DCT: variants seen among roughly 807,000 people sequenced by gnomAD.
The protein encoded by DCT is L-dopachrome tautomerase.
A neutral mutation model predicts 53.0 loss-of-function variants in DCT; 47 were observed. The ratio of observed to expected loss-of-function variants is 0.89; its 90% CI spans 0.70 to 1.13. The LOEUF (loss-of-function observed/expected upper bound fraction) is 1.13. DCT is among the 50% of genes most tolerant of loss of function. The pLI, the probability that DCT is intolerant of heterozygous loss-of-function variation, is 0.00. For synonymous variants in DCT, 244 were observed against 237.0 expected (o/e 1.03, Z -0.27); for missense variants, 669 against 637.4 (o/e 1.05, Z -0.53).
chr13:94,481,054 T>G (rs1885420798), upstream of DCT, among the ~76,000 whole-genome samples: 1 of 152,248 alleles, frequency 6.6e-6, no homozygotes, highest in Non-Finnish European at 1.5e-5. Context: ...TTCAAGCTTC[T>G]GGCAGCTGCT....
chr13:94,519,327 G>T, the DCT span, among the ~76,000 whole-genome samples: 1 of 152,116 alleles, frequency 6.6e-6, no homozygotes, highest in Non-Finnish European at 1.5e-5. Flanking sequence ...AACAGTGCTT[G>T]GGCCCTAGTA....
Position 94,439,979 on chromosome 13 carries a change from A to C in DCT, c.1479T>G (p.Leu493=). 1 of 1,614,000 alleles carries C rather than the reference A, an allele frequency of 6.2e-7. No individual in the cohort carries two copies. Residue 493 remains leucine, a synonymous_variant, in exon 8 of 8, where the codon CTT becomes CTG. Transcript: ENST00000377028. ...LVGLFVLLAF[L]QYRRLRKGYT... ...ATCCTTTTCGAAGTCTTCTATATTG[A>C]AGAAAAGCCAACAGCACAAAAAGAC...
chr13:94,477,673 C>T (rs1390137432), intron 1 of DCT, among the ~76,000 whole-genome samples: 1 of 138,864 alleles, frequency 7.2e-6, no homozygotes, highest in Non-Finnish European at 1.6e-5. Flanking sequence ...AAAAAAAAAT[C>T]GAATGTCATT....
chr13:94,538,973 C>A, the DCT span, among the ~76,000 whole-genome samples: 1 of 152,150 alleles, frequency 6.6e-6, no homozygotes, highest in Non-Finnish European at 1.5e-5. Flanking sequence ...CAGCCCACAC[C>A]CCTCCAGCTA....
chr13:94,442,713 G>A (rs1056991674), intron 7 of DCT, among the ~76,000 whole-genome samples: 4 of 152,136 alleles, frequency 2.6e-5, no homozygotes, highest in East Asian at 1.9e-4. Flanking sequence ...AGAGTCCCAC[G>A]TAGCCCAATC....
chr13:94,444,422 C>G lies in DCT; in HGVS notation c.1180-785G>C, dbSNP rs74963849. Reference sequence around the variant, plus strand: ...TCTCACTTGAATTCTTGCTGTTATGCCAGCAAAAGAAAGTCTAAAAAGGTA... The same window carrying G: ...TCTCACTTGAATTCTTGCTGTTATGGCAGCAAAAGAAAGTCTAAAAAGGTA... On this transcript the variant is annotated intron_variant, in intron 6 of 7. Transcript: ENST00000377028. The G allele has an allele frequency of 6.1e-4, 315 of 516,440 alleles. 3 individuals are homozygous for G. The East Asian group carries it at 0.015, about 25-fold the overall frequency. The allele number at this position is 516,440 out of a possible 1,614,324, so 32.0% of individuals were successfully genotyped here.
rs772228009 is a variant in DCT, at chr13:94,460,129, C to G, written c.1141G>C (p.Ala381Pro). ...LVHSFLNGTN[A>P]LPHSAANDPI... ...TCATTGGCGGCTGAATGTGGCAAAG[C>G]GTTTGTCCCGTTCAGGAAGGAATGA... The change falls in exon 6 of 8, where the codon GCT (alanine) becomes CCT (proline). Residue 381 changes from alanine (A) to proline (P), a missense_variant. Transcript: ENST00000377028. 6.8e-6 allele frequency: 11 copies of G among 1,613,952 alleles called. No individual in the cohort carries two copies. The highest frequency in any genetic ancestry group is 9.3e-6 in the Non-Finnish European group (11 of 1,180,006).
intron 1 of DCT, among the ~76,000 whole-genome samples, chr13:94,476,180 CTTTTTTTTTTTTTTT>C (rs529819051): frequency 2.7e-5 from 2 of 72,732 alleles, no homozygotes; most frequent in African/African-American, 1.1e-4. Context: ...GGGGGAGCCT[CTTTTTTTTTTTTTTT>C]TTTTTTTTTT....
the DCT span, among the ~76,000 whole-genome samples, chr13:94,545,695 T>G: frequency 6.6e-6 from 1 of 152,106 alleles, no homozygotes; most frequent in Non-Finnish European, 1.5e-5. Context: ...GGTGGCTGAC[T>G]CCCTCGCTAT....
chr13:94,466,741 G>T, intron 2 of DCT, 83 bp from the exon 3 acceptor site: 1 of 814,212 alleles, frequency 1.2e-6, no homozygotes, highest in Non-Finnish European at 1.9e-6. Flanking sequence ...TATCTATAGA[G>T]CCAATAAGTC....
intron 6 of DCT, among the ~76,000 whole-genome samples, chr13:94,458,671 G>A (rs551486907): frequency 5.3e-4 from 81 of 151,918 alleles, no homozygotes; most frequent in African/African-American, 1.6e-3. Flanking sequence ...GCGTGGTGGC[G>A]TGCAACTGTA....
At chr13:94,486,667 C>A in the DCT span, among the ~76,000 whole-genome samples, 1 of 152,164 alleles carries the variant, frequency 6.6e-6, no homozygotes, top group African/African-American at 2.4e-5. Flanking sequence ...CCATAGAAAG[C>A]AGCTTATCCA....
At chr13:94,440,400 T>C (rs1211066422) in intron 7 of DCT, among the ~76,000 whole-genome samples, 2 of 152,164 alleles carry the variant, frequency 1.3e-5, no homozygotes. Flanking sequence ...TTTGTGAAAG[T>C]GCATGCTAAA....
In DCT at chr13:94,438,220, G is replaced by A; in HGVS notation, c.*1678C>T. 1 of 154,306 alleles carries A rather than the reference G, an allele frequency of 6.5e-6. No individual in the cohort carries two copies. The highest frequency in any genetic ancestry group is 1.9e-4 in the East Asian group (1 of 5,304). The allele number at this position is 154,306 out of a possible 1,614,324, so 9.6% of individuals were successfully genotyped here. A position where few individuals can be genotyped will look rare whatever the true frequency, so the allele number is the denominator to read the frequency against. On this transcript the variant is annotated 3_prime_UTR_variant, in exon 8 of 8. Coordinates refer to ENST00000377028, the MANE Select transcript of DCT (RefSeq NM_001922.5). ...CTCAGAGCATAAACCTTCCAGAGTG[G>A]AGCATGTGAAAGACACAGTGCTGTA... is the stretch of plus-strand genomic sequence containing the variant.
chr13:94,514,181 G>T, the DCT span, among the ~76,000 whole-genome samples: 1 of 152,014 alleles, frequency 6.6e-6, no homozygotes, highest in Non-Finnish European at 1.5e-5. Flanking sequence ...ACTGTGCCGG[G>T]AACATCACCA....
the DCT span, among the ~76,000 whole-genome samples, chr13:94,507,293 C>T: frequency 6.6e-6 from 1 of 152,052 alleles, no homozygotes; most frequent in African/African-American, 2.4e-5. Flanking sequence ...GAGAAAGTCT[C>T]GCTACTCTTT....
intron 1 of DCT, among the ~76,000 whole-genome samples, chr13:94,474,555 G>A (rs1001346750): frequency 1.3e-5 from 2 of 152,194 alleles, no homozygotes; most frequent in African/African-American, 4.8e-5. Context: ...CAAACAAGAA[G>A]TTCACCGTCA....
chr13:94,525,930 C>G, the DCT span, among the ~76,000 whole-genome samples: 1 of 152,236 alleles, frequency 6.6e-6, no homozygotes. Context: ...TGGCTGCATA[C>G]ACGTGTTGCT....
the DCT span, among the ~76,000 whole-genome samples, chr13:94,495,529 A>T: frequency 6.6e-6 from 1 of 152,240 alleles, no homozygotes; most frequent in African/African-American, 2.4e-5. Context: ...TCAAATAAAA[A>T]ATGTATTCCA....
Sources: gnomAD v4.1 joint callset for allele counts (sites outside exome capture counted in the v4.1 genomes callset) on GRCh38, gnomAD v4.1.1 for gene constraint, MANE v1.5 for transcripts, NCBI Gene and HGNC (gene_info 2026-07-23, HGNC 2026-07-21) for gene names.